LRRIQ1: variants seen among roughly 807,000 people sequenced by gnomAD.
LRRIQ1 encodes leucine rich repeats and IQ motif containing 1, also known as leucine-rich repeat- and IQ domain-containing protein 1.
A neutral mutation model predicts 211.9 loss-of-function variants in LRRIQ1; 210 were observed. That is an observed-to-expected ratio of 0.99 (90% CI 0.89 to 1.11). The LOEUF is 1.11. Among genes scored for constraint, LRRIQ1 ranks in the 50% most tolerant of loss-of-function variants. LRRIQ1 has a pLI of 0.00. For missense variants in LRRIQ1, 2,136 were observed against 1,939.5 expected, an observed-to-expected ratio of 1.10 and a Z score of -1.90; for synonymous variants, 699 against 650.1, an observed-to-expected ratio of 1.08 and a Z score of -1.14.
chr12:85,161,773 G>T (rs1019655882), intron 24 of LRRIQ1, among the ~76,000 whole-genome samples: 4 of 152,158 alleles, frequency 2.6e-5, no homozygotes, highest in African/African-American at 9.7e-5. Context: ...GGGCGTGATG[G>T]CTCACGCCTG....
At chr12:85,138,017 G>T in intron 19 of LRRIQ1, 48 bp downstream of exon 19, 1 of 1,076,944 alleles carries the variant, frequency 9.3e-7, no homozygotes, top group Non-Finnish European at 1.3e-6. Flanking sequence ...AATACATTAA[G>T]TGTACTATTT....
chr12:85,091,078 C>T (rs918019453), intron 11 of LRRIQ1, among the ~76,000 whole-genome samples: 1 of 152,114 alleles, frequency 6.6e-6, no homozygotes, highest in East Asian at 1.9e-4. Context: ...CTCTCTCTCA[C>T]TTGCTTCTTT....
intron 25 of LRRIQ1, among the ~76,000 whole-genome samples, chr12:85,230,775 C>G (rs1212893317): frequency 6.6e-6 from 1 of 152,174 alleles, no homozygotes; most frequent in Non-Finnish European, 1.5e-5. Context: ...CTTGGCCGGG[C>G]GCGGTGGCTC....
intron 9 of LRRIQ1, among the ~76,000 whole-genome samples, chr12:85,066,143 C>T (rs1882404151): frequency 6.6e-6 from 1 of 151,884 alleles, no homozygotes; most frequent in South Asian, 2.1e-4. Context: ...TAAAATCTAT[C>T]CTCTGGCTTA....
rs745857080 is a variant in LRRIQ1 at position 85,056,820 on chromosome 12, A to T, written c.2027A>T (p.Tyr676Phe). ...GAAGGCAAAAGAAATGACCAAGATT[A>T]TGTGTTAGGTAGACATGCTCCTTGT... ...NIEGKRNDQD[Y>F]VLGRHAPCEG... Residue 676 changes from tyrosine to phenylalanine, a missense_variant, in exon 8 of 27, where the codon TAT becomes TTT. Tyr to Phe is a conservative substitution (Grantham distance 22, BLOSUM62 3). Coordinates refer to ENST00000393217, the MANE Select transcript of LRRIQ1 (RefSeq NM_001079910.2). 6.2e-7 allele frequency: 1 copy of T among 1,612,022 alleles called. No homozygotes were observed. The highest frequency in any genetic ancestry group is 8.5e-7 in the Non-Finnish European group (1 of 1,179,210).
At chr12:85,043,007 G>A (rs188905669) in intron 3 of LRRIQ1, among the ~76,000 whole-genome samples, 147 of 152,092 alleles carry the variant, frequency 9.7e-4, no homozygotes, top group African/African-American at 3.3e-3. Flanking sequence ...ATTTTTATAA[G>A]GAGAGATGTT....
At chr12:85,103,455 A>G (rs1443469540) in intron 13 of LRRIQ1, among the ~76,000 whole-genome samples, 1 of 151,774 alleles carries the variant, frequency 6.6e-6, no homozygotes, top group African/African-American at 2.4e-5. Flanking sequence ...TTACAGTACT[A>G]TAATACTTTC....
intron 7 of LRRIQ1, among the ~76,000 whole-genome samples, chr12:85,054,818 T>C (rs957265629): frequency 6.6e-6 from 1 of 152,116 alleles, no homozygotes; most frequent in Non-Finnish European, 1.5e-5. Context: ...AGTTTGATTT[T>C]CTCAGAAATT....
chr12:85,055,839 GAAA>G lies in LRRIQ1; in HGVS notation c.1050_1052del (p.Lys351del). ...GAGGAACAAAGGATAAAAGAAGAGA[GAAA>G]AAAGCAAAAGGAAGAGGAAAGGAAA... On this transcript the variant is annotated inframe_deletion, in exon 8 of 27. Transcript: ENST00000393217. 6.5e-7 allele frequency: 1 copy of G among 1,537,064 alleles called. No homozygotes were observed.
At chr12:85,116,317 T>C (rs1461683777) in intron 15 of LRRIQ1, among the ~76,000 whole-genome samples, 2 of 149,946 alleles carry the variant, frequency 1.3e-5, no homozygotes, top group African/African-American at 4.9e-5. Context: ...TAATTGTACT[T>C]TTTTTTTTAG....
rs1565790810 is a variant in LRRIQ1 at position 85,055,629 on chromosome 12, T to G, written c.836T>G (p.Leu279Trp). ...KDQQEKEKNS[L>W]LKQQNNAAVK... ...CAACAAGAAAAAGAAAAAAATTCTT[T>G]GTTAAAACAGCAGAATAATGCAGCT... Residue 279 changes from leucine to tryptophan, a missense_variant, in exon 8 of 27, where the codon TTG (leucine) becomes TGG (tryptophan). Leu to Trp is a moderately conservative substitution (Grantham distance 61). Coordinates refer to ENST00000393217, the MANE Select transcript of LRRIQ1 (RefSeq NM_001079910.2). 1 of 1,575,310 alleles carries G rather than the reference T, an allele frequency of 6.3e-7. No individual in the cohort carries two copies. The highest frequency in any genetic ancestry group is 2.1e-5 in the Admixed American group (1 of 48,702).
chr12:85,219,971 G>T (rs532573497), intron 24 of LRRIQ1, among the ~76,000 whole-genome samples: 2 of 152,166 alleles, frequency 1.3e-5, no homozygotes, highest in African/African-American at 4.8e-5. Context: ...TAACATTTAT[G>T]CCAAATTCCA....
chr12:85,213,305 T>C (rs1893927374), intron 24 of LRRIQ1, among the ~76,000 whole-genome samples: 1 of 151,926 alleles, frequency 6.6e-6, no homozygotes, highest in Non-Finnish European at 1.5e-5. Flanking sequence ...ATATGATACT[T>C]TTAATAAACT....
At chr12:85,080,326 A>G (rs971519434) in intron 11 of LRRIQ1, among the ~76,000 whole-genome samples, 3 of 151,908 alleles carry the variant, frequency 2.0e-5, no homozygotes, top group East Asian at 1.9e-4. Flanking sequence ...TCTGTATTCA[A>G]TGTTGAAAAA....
chr12:85,093,567 C>G (rs1163889936), intron 11 of LRRIQ1, among the ~76,000 whole-genome samples: 2 of 152,084 alleles, frequency 1.3e-5, no homozygotes, highest in African/African-American at 4.8e-5. Context: ...AGAGCCACTC[C>G]AAAGATTTAT....
chr12:85,147,629 G>A (rs1464063320), intron 19 of LRRIQ1, among the ~76,000 whole-genome samples: 1 of 151,540 alleles, frequency 6.6e-6, no homozygotes, highest in Non-Finnish European at 1.5e-5. Context: ...GAACTTGGGT[G>A]AATTGAGGTC....
At chr12:85,266,950 C>T (rs1896432942), downstream of LRRIQ1, among the ~76,000 whole-genome samples, 1 of 152,108 alleles carries the variant, frequency 6.6e-6, no homozygotes, top group Non-Finnish European at 1.5e-5. Flanking sequence ...AGCACTCCTA[C>T]ATTTTAGGAA....
intron 18 of LRRIQ1, among the ~76,000 whole-genome samples, chr12:85,128,395 T>A (rs1263771246): frequency 6.6e-6 from 1 of 151,852 alleles, no homozygotes. Context: ...AAGCCAGGAG[T>A]TTGAGATCAG....
chr12:85,258,722 A>AT (rs1195852675), intron 1 of LRRIQ1, among the ~76,000 whole-genome samples: 4 of 151,736 alleles, frequency 2.6e-5, no homozygotes, highest in East Asian at 1.9e-4. Flanking sequence ...AAAATGTTTA[A>AT]TTTTTTTTCT....
Sources: allele counts gnomAD v4.1 joint callset (sites outside exome capture counted in the v4.1 genomes callset), GRCh38; gene constraint gnomAD v4.1.1; transcripts MANE v1.5; gene names NCBI Gene and HGNC (gene_info 2026-07-23, HGNC 2026-07-21).